CRACR2A: variants seen among roughly 807,000 people sequenced by gnomAD.
The protein encoded by CRACR2A is calcium release activated channel regulator 2A, also known as EF-hand calcium-binding domain-containing protein 4B.
A neutral mutation model predicts 90.5 loss-of-function variants in CRACR2A; 79 were observed. The observed-to-expected ratio is 0.87, with a 90% CI of 0.73 to 1.05. CRACR2A has a LOEUF of 1.05. Among genes scored for constraint, CRACR2A ranks in the 50% least tolerant of loss-of-function variants. The probability of loss-of-function intolerance (pLI) is 0.00; values close to 1 mark genes in which losing one functional copy is unlikely to be tolerated. For missense variants in CRACR2A, 823 were observed against 897.2 expected (o/e 0.92, Z 1.06); for synonymous variants, 338 against 356.7 (o/e 0.95, Z 0.59).
rs189074025 is a variant in CRACR2A, at chr12:3,703,149, C to T, written c.-36-6114G>A. On this transcript the variant is annotated intron_variant, in intron 3 of 19. Coordinates refer to ENST00000440314, the MANE Select transcript of CRACR2A (RefSeq NM_001144958.2). ...TCTTGCTCAGGCTGGAGTGCAGTGG[C>T]GCGATCTCTGGCTTACTGCAAGCTC... 2.6e-3 allele frequency among the ~76,000 whole-genome samples: 399 copies of T among 152,276 alleles called. 2 individuals carry two copies. The highest frequency in any genetic ancestry group is 9.0e-3 in the African/African-American group (374 of 41,556).
intron 15 of CRACR2A, among the ~76,000 whole-genome samples, chr12:3,628,727 G>A (rs1416508754): frequency 6.6e-6 from 1 of 152,198 alleles, no homozygotes; most frequent in African/African-American, 2.4e-5. Context: ...CCAGATCTTA[G>A]AACTTTAGGG....
At chr12:3,705,976 C>A (rs199748627) in intron 3 of CRACR2A, among the ~76,000 whole-genome samples, 2 of 152,128 alleles carry the variant, frequency 1.3e-5, no homozygotes, top group East Asian at 3.9e-4. Flanking sequence ...CAGCTCTCAC[C>A]AAGAAAGAGA....
chr12:3,656,266 G>C, intron 9 of CRACR2A, 45 bp downstream of exon 9: 1 of 1,580,766 alleles, frequency 6.3e-7, no homozygotes, highest in Non-Finnish European at 8.7e-7. Flanking sequence ...GAGAAAAGGA[G>C]AGAGTGAAGA....
At chr12:3,627,129 C>T (rs968630883) in intron 17 of CRACR2A, among the ~76,000 whole-genome samples, 14 of 152,172 alleles carry the variant, frequency 9.2e-5, no homozygotes, top group Admixed American at 8.5e-4. Flanking sequence ...TCCCCTCCCC[C>T]AATCCAGTCC....
Position 3,747,108 on chromosome 12 carries a change from C to A in CRACR2A, c.-387+5907G>T, listed in dbSNP as rs78959652. Among the ~76,000 whole-genome samples the A allele has an allele frequency of 1.4e-4, 22 of 152,298 alleles. No individual in the cohort carries two copies. The East Asian group carries it at 4.2e-3, about 29-fold the overall frequency. ...AGACTCTGCACTAAGCATTCAGAGG[C>A]GGCAGGCTGTGGAACGCTTGAGGAC... On this transcript the variant is annotated intron_variant, in intron 1 of 19. Transcript: ENST00000440314.
At chr12:3,637,074 T>C (rs1342336281) in intron 14 of CRACR2A, among the ~76,000 whole-genome samples, 2 of 152,344 alleles carry the variant, frequency 1.3e-5, no homozygotes, top group East Asian at 3.9e-4. Flanking sequence ...TCTATCACCA[T>C]GAGCCAGAGG....
At chr12:3,644,672 A>G (rs376770756) in intron 11 of CRACR2A, 32 bp from the exon 12 acceptor site, 11 of 1,549,998 alleles carry the variant, frequency 7.1e-6, no homozygotes, top group African/African-American at 6.9e-5. Context: ...CTATTCAAAC[A>G]TGGAGTTTGC....
chr12:3,694,202 C>T (rs1945699536), intron 4 of CRACR2A, among the ~76,000 whole-genome samples: 1 of 152,240 alleles, frequency 6.6e-6, no homozygotes, highest in Non-Finnish European at 1.5e-5. Context: ...TTGGTGGCAG[C>T]TGTTCCACCT....
chr12:3,731,434 T>G (rs1000546516), intron 2 of CRACR2A: 5 of 152,270 alleles, frequency 3.3e-5, no homozygotes, highest in African/African-American at 1.2e-4. Flanking sequence ...GAGCACAGCA[T>G]CCAATGTGTC....
At chr12:3,720,735 C>T (rs1422534871) in intron 2 of CRACR2A, among the ~76,000 whole-genome samples, 1 of 152,184 alleles carries the variant, frequency 6.6e-6, no homozygotes, top group East Asian at 1.9e-4. Flanking sequence ...GCTCAAGAGC[C>T]TCTTACATTT....
intron 4 of CRACR2A, among the ~76,000 whole-genome samples, chr12:3,684,880 CT>C (rs1828795222): frequency 2.6e-5 from 4 of 152,220 alleles, no homozygotes; most frequent in Admixed American, 6.5e-5. Context: ...AAGAATTAAG[CT>C]GCTGACCCTG....
chr12:3,656,181 G>A (rs568112451), intron 9 of CRACR2A, 130 bp downstream of exon 9: 25 of 769,558 alleles, frequency 3.2e-5, no homozygotes, highest in East Asian at 7.8e-5. Context: ...TATCTTTTGC[G>A]CGACTAAATA....
chr12:3,644,574 A>G (rs1944651949), intron 12 of CRACR2A, 21 bp downstream of exon 12: 1 of 1,550,780 alleles, frequency 6.4e-7, no homozygotes, highest in African/African-American at 1.4e-5. Flanking sequence ...CCCCACAGGT[A>G]AGGGAGAACT....
At chr12:3,673,323 C>T in intron 7 of CRACR2A, 123 bp downstream of exon 7, 1 of 1,246,314 alleles carries the variant, frequency 8.0e-7, no homozygotes. Flanking sequence ...CTGGTCCCCA[C>T]TTTGGCAGAC....
chr12:3,751,549 G>C (rs1345275912), intron 1 of CRACR2A, among the ~76,000 whole-genome samples: 1 of 152,148 alleles, frequency 6.6e-6, no homozygotes, highest in Non-Finnish European at 1.5e-5. Context: ...ACTCCTCACC[G>C]GATTGTCCAC....
At chr12:3,656,928 A>G (rs559052209) in intron 8 of CRACR2A, among the ~76,000 whole-genome samples, 88 of 152,298 alleles carry the variant, frequency 5.8e-4, no homozygotes, top group African/African-American at 2.1e-3. Flanking sequence ...CTAAGTGTTC[A>G]TATTTGCCCA....
At chr12:3,708,666 C>T (rs2137757866) in intron 3 of CRACR2A, among the ~76,000 whole-genome samples, 1 of 152,282 alleles carries the variant, frequency 6.6e-6, no homozygotes, top group South Asian at 2.1e-4. Context: ...ACCTCGTGAT[C>T]CGCCGGCCTC....
intron 13 of CRACR2A, among the ~76,000 whole-genome samples, 178 bp from the exon 14 acceptor site, chr12:3,638,632 G>A (rs748158276): frequency 6.4e-4 from 97 of 152,164 alleles, no homozygotes; most frequent in African/African-American, 1.5e-3. Flanking sequence ...CATTCAACAC[G>A]CTTCCACTAA....
chr12:3,722,570 A>G (rs1407196103), intron 2 of CRACR2A, among the ~76,000 whole-genome samples: 2 of 152,178 alleles, frequency 1.3e-5, no homozygotes, highest in Non-Finnish European at 2.9e-5. Context: ...TAGCACTTAC[A>G]GCTGAGGGGT....
Sources: allele counts gnomAD v4.1 joint callset (sites outside exome capture counted in the v4.1 genomes callset), GRCh38; gene constraint gnomAD v4.1.1; transcripts MANE v1.5; gene names NCBI Gene and HGNC (gene_info 2026-07-23, HGNC 2026-07-21).